CALD1: variants seen among roughly 807,000 people sequenced by gnomAD.
CALD1 encodes caldesmon 1.
Under a neutral mutation model 99.9 loss-of-function variants are expected in CALD1, and 33 were observed. That is an observed-to-expected ratio of 0.33 (90% CI 0.25 to 0.44). The LOEUF (loss-of-function observed/expected upper bound fraction) is 0.44, where lower values mean the gene tolerates loss of function less well. CALD1 is among the 20% of genes least tolerant of loss of function. The pLI, the probability that CALD1 is intolerant of heterozygous loss-of-function variation, is 1.00. For missense variants in CALD1, 861 were observed against 962.1 expected (o/e 0.89, Z 1.39); for synonymous variants, 310 against 325.0 (o/e 0.95, Z 0.50).
intron 3 of CALD1, among the ~76,000 whole-genome samples, chr7:134,888,313 C>T (rs1022410532): frequency 6.6e-6 from 1 of 152,148 alleles, no homozygotes; most frequent in Non-Finnish European, 1.5e-5. Context: ...GATGACTGGC[C>T]CACTTGTTCA....
At chr7:134,731,657 C>CT in the CALD1 span, among the ~76,000 whole-genome samples, 98,510 of 150,444 alleles carry the variant, frequency 0.65, 32,669 homozygotes, top group East Asian at 0.88. Context: ...CCTCCACTTC[C>CT]TTTTTTTTTC....
At chr7:134,818,799 G>A (rs1426105119) in intron 1 of CALD1, among the ~76,000 whole-genome samples, 3 of 152,178 alleles carry the variant, frequency 2.0e-5, no homozygotes, top group African/African-American at 7.2e-5. Context: ...CGAGCTCCGA[G>A]AGGCAGCTGG....
intron 1 of CALD1, among the ~76,000 whole-genome samples, chr7:134,792,156 C>T (rs34667373): frequency 0.059 from 8,919 of 152,258 alleles, 304 homozygotes; most frequent in African/African-American, 0.093. Flanking sequence ...AAGGTGTCAG[C>T]AGGGTTGGTT....
chr7:134,917,431 C>T (rs887037791), intron 3 of CALD1, among the ~76,000 whole-genome samples: 23 of 152,144 alleles, frequency 1.5e-4, no homozygotes, highest in Admixed American at 3.3e-4. Flanking sequence ...TTACTACAAC[C>T]TCCATTTCCT....
At chr7:134,830,306 A>G (rs943805156) in intron 1 of CALD1, among the ~76,000 whole-genome samples, 2 of 152,160 alleles carry the variant, frequency 1.3e-5, no homozygotes, top group African/African-American at 2.4e-5. Flanking sequence ...TGTGTGTCCA[A>G]ATATAATGCA....
chr7:134,903,334 A>G (rs1233395056), intron 3 of CALD1, among the ~76,000 whole-genome samples: 1 of 152,106 alleles, frequency 6.6e-6, no homozygotes, highest in Non-Finnish European at 1.5e-5. Context: ...CATCAGTTGT[A>G]ACAAATGTAC....
chr7:134,797,372 C>T (rs1563008320), intron 1 of CALD1, among the ~76,000 whole-genome samples: 3 of 152,198 alleles, frequency 2.0e-5, no homozygotes, highest in Non-Finnish European at 4.4e-5. Context: ...CTCAGATTTT[C>T]TAAAATTGTC....
At chr7:134,957,466 C>T (rs1330384564) in intron 9 of CALD1, among the ~76,000 whole-genome samples, 1 of 152,162 alleles carries the variant, frequency 6.6e-6, no homozygotes, top group Non-Finnish European at 1.5e-5. Flanking sequence ...GTCACCCAGG[C>T]TGGAGTGCAG....
the CALD1 span, among the ~76,000 whole-genome samples, chr7:134,711,722 G>C: frequency 4.3e-3 from 415 of 96,336 alleles, 4 homozygotes; most frequent in African/African-American, 0.013. Context: ...GTGTGTGTGT[G>C]TGTGTCTCTC....
chr7:134,821,439 T>C (rs1469346417), intron 1 of CALD1, among the ~76,000 whole-genome samples: 1 of 152,176 alleles, frequency 6.6e-6, no homozygotes, highest in Admixed American at 6.5e-5. Flanking sequence ...TATTTCTACC[T>C]ATCCATCTAT....
chr7:134,876,440 G>A (rs1369660208), intron 3 of CALD1, among the ~76,000 whole-genome samples: 2 of 152,206 alleles, frequency 1.3e-5, no homozygotes, highest in African/African-American at 2.4e-5. Flanking sequence ...ATTCTACAAT[G>A]TACTGCATGT....
chr7:134,905,733 T>C (rs2132648045), intron 3 of CALD1, among the ~76,000 whole-genome samples: 1 of 152,108 alleles, frequency 6.6e-6, no homozygotes, highest in Middle Eastern at 3.4e-3. Flanking sequence ...CTTAAATATC[T>C]AGCCCAGGGG....
At chr7:134,941,285 A>G (rs79875754) in intron 7 of CALD1, 48 bp downstream of exon 7, 547 of 1,184,976 alleles carry the variant, frequency 4.6e-4, no homozygotes, top group South Asian at 1.7e-3. Flanking sequence ...CATGCAAAGA[A>G]AAAAAAAAAA....
At chr7:134,877,267 T>A (rs975417199) in intron 3 of CALD1, among the ~76,000 whole-genome samples, 24 of 152,316 alleles carry the variant, frequency 1.6e-4, no homozygotes, top group Non-Finnish European at 2.9e-4. Context: ...ACTCCATGTG[T>A]CAGATGGCTC....
At chr7:134,835,476 C>T (rs1356362953) in intron 1 of CALD1, among the ~76,000 whole-genome samples, 2 of 152,096 alleles carry the variant, frequency 1.3e-5, no homozygotes, top group Non-Finnish European at 2.9e-5. Flanking sequence ...TGGCCCTGTC[C>T]TTAGGTAGTT....
chr7:134,966,737 C>T (rs1808708284), intron 14 of CALD1, among the ~76,000 whole-genome samples: 1 of 151,848 alleles, frequency 6.6e-6, no homozygotes, highest in African/African-American at 2.4e-5. Context: ...TATTCAATTC[C>T]TTGTATAATT....
intron 1 of CALD1, among the ~76,000 whole-genome samples, chr7:134,764,084 G>A (rs921198182): frequency 3.3e-5 from 5 of 152,056 alleles, no homozygotes; most frequent in African/African-American, 7.2e-5. Context: ...TCCATACAAG[G>A]GTAGTTCTGT....
chr7:134,929,008 T>C, intron 4 of CALD1, 108 bp downstream of exon 4: 1 of 954,106 alleles, frequency 1.0e-6, no homozygotes, highest in Non-Finnish European at 1.6e-6. Flanking sequence ...CAACCCTTTT[T>C]CAATCTAACT....
At chr7:134,889,421 A>T (rs1056975623) in intron 3 of CALD1, among the ~76,000 whole-genome samples, 2 of 152,214 alleles carry the variant, frequency 1.3e-5, no homozygotes, top group African/African-American at 4.8e-5. Context: ...CATGTGATTC[A>T]TTCCAGCACA....
Sources: allele counts gnomAD v4.1 joint callset (sites outside exome capture counted in the v4.1 genomes callset), GRCh38; gene constraint gnomAD v4.1.1; transcripts MANE v1.5; gene names NCBI Gene and HGNC (gene_info 2026-07-23, HGNC 2026-07-21).